Variants in OBI1 observed in about 807,000 individuals in gnomAD.
The protein encoded by OBI1 is ORC ubiquitin ligase 1, also known as ring finger protein 219.
A neutral mutation model predicts 62.4 loss-of-function variants in OBI1; 59 were observed. The observed-to-expected ratio is 0.95, with a 90% CI of 0.77 to 1.17. The LOEUF is 1.17. OBI1 is among the 50% of genes most tolerant of loss of function. The probability of loss-of-function intolerance (pLI) is 0.00; values close to 1 mark genes in which losing one functional copy is unlikely to be tolerated. For missense variants in OBI1, 875 were observed against 830.9 expected, an observed-to-expected ratio of 1.05 and a Z score of -0.65; for synonymous variants, 302 against 292.8, an observed-to-expected ratio of 1.03 and a Z score of -0.32.
chr13:78,637,242 T>A (rs1004524426), intron 4 of OBI1, among the ~76,000 whole-genome samples: 2 of 152,224 alleles, frequency 1.3e-5, no homozygotes, highest in African/African-American at 4.8e-5. Context: ...AGTATGTTAT[T>A]ACTCCACACT....
intron 1 of OBI1, among the ~76,000 whole-genome samples, chr13:78,651,236 T>C (rs1419272190): frequency 6.6e-6 from 1 of 152,222 alleles, no homozygotes; most frequent in East Asian, 1.9e-4. Context: ...CTTTTGTCTT[T>C]GATCTACTGC....
At chr13:78,652,801 A>C (rs914819145) in intron 1 of OBI1, among the ~76,000 whole-genome samples, 1 of 152,048 alleles carries the variant, frequency 6.6e-6, no homozygotes, top group Non-Finnish European at 1.5e-5. Flanking sequence ...TGGTAATACT[A>C]TCTCACTCCC....
chr13:78,615,988 A>G lies in OBI1; in HGVS notation c.1773T>C (p.Leu591=). 6.2e-7 allele frequency: 1 copy of G among 1,614,080 alleles called. No individual in the cohort carries two copies. The highest frequency in any genetic ancestry group is 1.6e-4 in the Middle Eastern group (1 of 6,062). ...DKLEEKTELN[L]SKGSLTNDQL... ...GATCATTAGTTAGAGAACCTTTGGA[A>G]AGGTTTAGCTCAGTTTTTTCTTCCA... The change falls in exon 6 of 6, where the codon CTT becomes CTC. Residue 591 remains leucine (L), a synonymous_variant. Coordinates refer to ENST00000282003, the MANE Select transcript of OBI1 (RefSeq NM_024546.4).
Position 78,615,519 on chromosome 13 carries a change from A to C in OBI1, c.*61T>G. On this transcript the variant is annotated 3_prime_UTR_variant, in exon 6 of 6. Transcript: ENST00000282003. The stretch of plus-strand genomic sequence containing the variant: ...TAGAACTTTTATGAGGAAAAAAGGT[A>C]ACTTTAACAACTTTTCTATTTCTCT... 1 of 1,255,058 alleles carries C rather than the reference A, an allele frequency of 8.0e-7. No homozygotes were observed. Among genetic ancestry groups the C allele is most frequent in the Non-Finnish European group, 1.1e-6 (1 of 899,074 alleles). 77.7% of individuals were successfully genotyped at this position (1,255,058 alleles called of 1,614,324 possible). A position where few individuals can be genotyped will look rare whatever the true frequency, so the allele number is the denominator to read the frequency against.
At chr13:78,647,546 CCTT>C (rs1270389937) in intron 1 of OBI1, among the ~76,000 whole-genome samples, 3 of 152,198 alleles carry the variant, frequency 2.0e-5, no homozygotes, top group African/African-American at 7.2e-5. Context: ...TTCTTGCTGA[CCTT>C]CTCCCCACTA....
intron 1 of OBI1, among the ~76,000 whole-genome samples, chr13:78,648,017 C>A (rs1046920589): frequency 3.3e-5 from 5 of 151,910 alleles, no homozygotes; most frequent in African/African-American, 1.2e-4. Flanking sequence ...GTTTCAAAGT[C>A]TTCTTCCAAA....
chr13:78,615,536 T>TAAA lies in OBI1; in HGVS notation c.*43_*44insTTT, dbSNP rs1875236520. ...AAAAAGGTAACTTTAACAACTTTTC[T>TAAA]ATTTCTCTCAGGACAAAACCACAAA... On this transcript the variant is annotated 3_prime_UTR_variant, in exon 6 of 6. Coordinates refer to ENST00000282003, the MANE Select transcript of OBI1 (RefSeq NM_024546.4). 7.0e-7 allele frequency: 1 copy of TAAA among 1,420,090 alleles called. No homozygotes were observed. The highest frequency in any genetic ancestry group is 1.4e-5 in the African/African-American group (1 of 69,610). 88.0% of individuals were successfully genotyped at this position (1,420,090 alleles called of 1,614,324 possible). A position where few individuals can be genotyped will look rare whatever the true frequency, so the allele number is the denominator to read the frequency against.
At chr13:78,623,518 G>C (rs1875575233) in intron 5 of OBI1, among the ~76,000 whole-genome samples, 3 of 152,140 alleles carry the variant, frequency 2.0e-5, no homozygotes. Context: ...TTAAAAATGA[G>C]AAATGAGAAG....
intron 1 of OBI1, among the ~76,000 whole-genome samples, chr13:78,652,581 G>C (rs1006071837): frequency 6.6e-6 from 1 of 152,110 alleles, no homozygotes; most frequent in African/African-American, 2.4e-5. Context: ...GGTATCCTAG[G>C]GAGCGGTCCC....
At position 78,616,391 on chromosome 13, in the gene OBI1, T is replaced by A. The variant is rs757214070; in HGVS notation, c.1370A>T (p.Glu457Val). 1.2e-6 allele frequency: 2 copies of A among 1,613,142 alleles called. No homozygotes were observed. The highest frequency in any genetic ancestry group is 3.3e-5 in the Admixed American group (2 of 59,906). The change falls in exon 6 of 6, where the codon GAA becomes GTA. Residue 457 changes from glutamate (E) to valine (V), a missense_variant. By Grantham distance (121) the Glu-to-Val change is moderately radical (BLOSUM62 -2). Coordinates refer to ENST00000282003, the MANE Select transcript of OBI1 (RefSeq NM_024546.4). ...ISRSENEKKS[E>V]CFSSPKTGFW... ...TCCTGTCTTTGGGGAAGAAAAACAT[T>A]CTGATTTCTTTTCATTTTCACTTCT... is the stretch of plus-strand genomic sequence containing the variant.
At chr13:78,640,138 T>C (rs1048806830) in intron 3 of OBI1, among the ~76,000 whole-genome samples, 122 of 151,808 alleles carry the variant, frequency 8.0e-4, no homozygotes, top group African/African-American at 2.9e-3. Flanking sequence ...ACTTGAGGCA[T>C]ACTCAACTGC....
chr13:78,648,316 A>AC (rs1876449226), intron 1 of OBI1, among the ~76,000 whole-genome samples: 1 of 152,006 alleles, frequency 6.6e-6, no homozygotes, highest in Non-Finnish European at 1.5e-5. Flanking sequence ...ACACACAGAC[A>AC]CACACACCCC....
In OBI1 at chr13:78,615,538, T is replaced by G; in HGVS notation, c.*42A>C. 1.4e-6 allele frequency: 2 copies of G among 1,432,258 alleles called. No individual in the cohort carries two copies. Among genetic ancestry groups the G allele is most frequent in the Non-Finnish European group, 1.9e-6 (2 of 1,055,262 alleles). 88.7% of individuals were successfully genotyped at this position (1,432,258 alleles called of 1,614,324 possible). A position where few individuals can be genotyped will look rare whatever the true frequency, so the allele number is the denominator to read the frequency against. On this transcript the variant is annotated 3_prime_UTR_variant, in exon 6 of 6. Transcript: ENST00000282003. ...AAAGGTAACTTTAACAACTTTTCTA[T>G]TTCTCTCAGGACAAAACCACAAATG...
intron 2 of OBI1, among the ~76,000 whole-genome samples, chr13:78,642,876 G>C (rs574618769): frequency 1.5e-4 from 22 of 143,180 alleles, no homozygotes; most frequent in African/African-American, 5.5e-4. Flanking sequence ...GACAAAGCGA[G>C]ACTCCGTCTC....
chr13:78,648,959 C>T (rs1876467003), intron 1 of OBI1, among the ~76,000 whole-genome samples: 1 of 151,572 alleles, frequency 6.6e-6, no homozygotes, highest in Non-Finnish European at 1.5e-5. Flanking sequence ...TTTGCTCCCA[C>T]AACAAAGGTT....
intron 2 of OBI1, among the ~76,000 whole-genome samples, 190 bp from the exon 3 acceptor site, chr13:78,642,403 C>T (rs997187215): frequency 6.6e-6 from 1 of 152,012 alleles, no homozygotes; most frequent in African/African-American, 2.4e-5. Context: ...TATCAAATAA[C>T]ACCATAAGAA....
chr13:78,643,620 C>CT (rs1320241021), intron 2 of OBI1, among the ~76,000 whole-genome samples: 1 of 152,074 alleles, frequency 6.6e-6, no homozygotes, highest in Non-Finnish European at 1.5e-5. Flanking sequence ...GAAACCCCGT[C>CT]TCTAATAAAA....
intron 1 of OBI1, among the ~76,000 whole-genome samples, chr13:78,654,632 G>A (rs1409027775): frequency 6.6e-6 from 1 of 152,214 alleles, no homozygotes; most frequent in Admixed American, 6.5e-5. Context: ...GTGAGAAGAA[G>A]AGAGGCATCC....
chr13:78,638,795 T>C (rs765450203), intron 4 of OBI1, 28 bp downstream of exon 4: 11 of 1,579,066 alleles, frequency 7.0e-6, no homozygotes, highest in Non-Finnish European at 9.5e-6. Context: ...AAAACAACCA[T>C]AATAGATTTT....
Sources: gnomAD v4.1 joint callset for allele counts (sites outside exome capture counted in the v4.1 genomes callset) on GRCh38, gnomAD v4.1.1 for gene constraint, MANE v1.5 for transcripts, NCBI Gene and HGNC (gene_info 2026-07-23, HGNC 2026-07-21) for gene names.